NOL4: variants seen among roughly 807,000 people sequenced by gnomAD.
NOL4 encodes the protein cancer/testis antigen 125.
A neutral mutation model predicts 75.9 loss-of-function variants in NOL4; 17 were observed. The observed-to-expected ratio is 0.22, with a 90% CI of 0.15 to 0.34. The LOEUF (loss-of-function observed/expected upper bound fraction) is 0.34, where lower values mean the gene tolerates loss of function less well. NOL4 is among the 10% of genes least tolerant of loss of function. The pLI, the probability that NOL4 is intolerant of heterozygous loss-of-function variation, is 1.00. For missense variants in NOL4, 614 were observed against 793.5 expected (o/e 0.77, Z 2.72); for synonymous variants, 292 against 289.9 (o/e 1.01, Z -0.07).
Position 34,129,982 on chromosome 18 carries a change from C to G in NOL4, c.303G>C (p.Arg101=). The change falls in exon 2 of 11, where the codon CGG becomes CGC. Residue 101 remains arginine, a synonymous_variant. Transcript: ENST00000261592. The stretch of plus-strand genomic sequence containing the variant: ...CAAAGAAATCTTCAACCACAGCTAC[C>G]CGTCGTAAAGATAGCTTCTCATCTA... ...VGVDEKLSLR[R]VAVVEDFFDI... is the part of the protein sequence containing the mutation. The G allele has an allele frequency of 6.3e-7, 1 of 1,595,190 alleles. No homozygotes were observed. Among genetic ancestry groups the G allele is most frequent in the Non-Finnish European group, 8.5e-7 (1 of 1,169,922 alleles).
At chr18:34,177,372 G>A (rs1226327809) in intron 1 of NOL4, among the ~76,000 whole-genome samples, 1 of 151,770 alleles carries the variant, frequency 6.6e-6, no homozygotes, top group Non-Finnish European at 1.5e-5. Context: ...CTTTACATGT[G>A]CATTCATATG....
intron 4 of NOL4, among the ~76,000 whole-genome samples, chr18:34,093,855 C>T (rs750168399): frequency 5.3e-5 from 8 of 151,988 alleles, no homozygotes; most frequent in South Asian, 2.1e-4. Context: ...CTGGCTAACA[C>T]GGTGAAACCC....
At chr18:33,935,165 G>A (rs759313595) in intron 9 of NOL4, among the ~76,000 whole-genome samples, 36 of 152,160 alleles carry the variant, frequency 2.4e-4, no homozygotes, top group East Asian at 3.9e-4. Context: ...ACAGCCAGCT[G>A]AGTAGCATTC....
intron 1 of NOL4, among the ~76,000 whole-genome samples, chr18:34,178,316 T>G (rs1212871143): frequency 1.3e-5 from 2 of 151,272 alleles, no homozygotes; most frequent in African/African-American, 2.4e-5. Context: ...AGGAAGACAG[T>G]AAAGAAGGAA....
At chr18:33,856,911 G>A (rs933419907) in intron 10 of NOL4, among the ~76,000 whole-genome samples, 1 of 151,930 alleles carries the variant, frequency 6.6e-6, no homozygotes, top group Non-Finnish European at 1.5e-5. Context: ...GAGCTTCACC[G>A]TTAGTGTTCC....
In NOL4 at chr18:34,071,969, A is replaced by G. The variant is rs1272454570; in HGVS notation, c.772+21496T>C. Among the ~76,000 whole-genome samples the G allele has an allele frequency of 5.3e-5, 8 of 152,312 alleles. No individual in the cohort carries two copies. In the East Asian group the frequency reaches 1.4e-3, roughly 26 times the overall value. On this transcript the variant is annotated intron_variant, in intron 5 of 10. Transcript: ENST00000261592. ...TGAAAGGGGCCAGGCGCAGTAGCTC[A>G]CGCCTGTAATTCCAGCACTTTGGGA...
At chr18:33,954,259 G>A (rs916215310) in intron 8 of NOL4, among the ~76,000 whole-genome samples, 5 of 152,054 alleles carry the variant, frequency 3.3e-5, no homozygotes, top group African/African-American at 4.8e-5. Flanking sequence ...ATGTCTATAC[G>A]TGTTCAATAC....
intron 9 of NOL4, among the ~76,000 whole-genome samples, chr18:33,899,237 T>C (rs967295573): frequency 6.6e-6 from 1 of 152,122 alleles, no homozygotes. Flanking sequence ...GGTGCCCACA[T>C]GTCTGCAGTC....
chr18:33,914,022 G>A (rs1048793769), intron 9 of NOL4, among the ~76,000 whole-genome samples: 8 of 152,234 alleles, frequency 5.3e-5, no homozygotes, highest in African/African-American at 1.9e-4. Flanking sequence ...TCAGAGGTTT[G>A]TCTTCTAATG....
intron 10 of NOL4, among the ~76,000 whole-genome samples, chr18:33,878,788 C>T (rs2144611472): frequency 6.6e-6 from 1 of 152,180 alleles, no homozygotes; most frequent in East Asian, 1.9e-4. Flanking sequence ...ACTGGTACTA[C>T]CAATTCAAAT....
intron 5 of NOL4, among the ~76,000 whole-genome samples, chr18:34,069,878 T>C (rs1186605780): frequency 6.6e-6 from 1 of 152,230 alleles, no homozygotes; most frequent in East Asian, 1.9e-4. Context: ...ACAGATCTCC[T>C]AATTTTAGTC....
At chr18:34,167,561 T>TAGATAGATAGATAGAG (rs1200688846) in intron 1 of NOL4, among the ~76,000 whole-genome samples, 1 of 150,582 alleles carries the variant, frequency 6.6e-6, no homozygotes, top group East Asian at 1.9e-4. Context: ...GATAGATAGA[T>TAGATAGATAGATAGAG]AGACAGACAG....
At chr18:33,861,289 T>C (rs1047822401) in intron 10 of NOL4, among the ~76,000 whole-genome samples, 1 of 152,192 alleles carries the variant, frequency 6.6e-6, no homozygotes, top group South Asian at 2.1e-4. Flanking sequence ...TGGTAAGCTA[T>C]GGATTATTGC....
chr18:33,894,494 A>T (rs2065282896), intron 9 of NOL4, among the ~76,000 whole-genome samples: 1 of 152,098 alleles, frequency 6.6e-6, no homozygotes, highest in African/African-American at 2.4e-5. Flanking sequence ...TCCCAAACCC[A>T]CTAAGACAGA....
intron 1 of NOL4, among the ~76,000 whole-genome samples, chr18:34,149,471 A>C (rs2081552668): frequency 6.6e-6 from 1 of 151,618 alleles, no homozygotes; most frequent in Non-Finnish European, 1.5e-5. Flanking sequence ...ATACAAGGGA[A>C]AGGATTTGAA....
intron 5 of NOL4, among the ~76,000 whole-genome samples, chr18:34,024,306 C>T (rs1365271598): frequency 6.7e-6 from 1 of 149,056 alleles, no homozygotes; most frequent in African/African-American, 2.5e-5. Context: ...ATTGTTTTCC[C>T]CAAATTCACC....
chr18:33,892,016 A>G (rs571889697), intron 9 of NOL4, among the ~76,000 whole-genome samples: 1 of 152,276 alleles, frequency 6.6e-6, no homozygotes, highest in Admixed American at 6.5e-5. Context: ...TTTAATATAA[A>G]GTTAATTCAT....
intron 2 of NOL4, among the ~76,000 whole-genome samples, chr18:34,107,866 G>A (rs2079383712): frequency 6.6e-6 from 1 of 151,956 alleles, no homozygotes. Flanking sequence ...AACAACTAAG[G>A]AATCCAAGTA....
At chr18:33,939,682 A>G (rs923575713) in intron 9 of NOL4, among the ~76,000 whole-genome samples, 23 of 152,118 alleles carry the variant, frequency 1.5e-4, no homozygotes, top group African/African-American at 5.3e-4. Context: ...GGCTGAGACA[A>G]TGGGATTTTC....
Sources: allele counts gnomAD v4.1 joint callset (sites outside exome capture counted in the v4.1 genomes callset), GRCh38; gene constraint gnomAD v4.1.1; transcripts MANE v1.5; gene names NCBI Gene and HGNC (gene_info 2026-07-23, HGNC 2026-07-21).